The following ANXA8 variants were observed in gnomAD, a reference collection of about 807,000 sequenced individuals.
The protein encoded by ANXA8 is VAC-beta.
Under a neutral mutation model 26.8 loss-of-function variants are expected in ANXA8, and 9 were observed. That is an observed-to-expected ratio of 0.34 (90% confidence interval 0.20 to 0.59). The LOEUF (loss-of-function observed/expected upper bound fraction) is 0.59, where lower values mean the gene tolerates loss of function less well. ANXA8 is among the 20% of genes least tolerant of loss of function. The probability of loss-of-function intolerance (pLI) is 0.84; values close to 1 mark genes in which losing one functional copy is unlikely to be tolerated. For missense variants in ANXA8, 83 were observed against 238.5 expected (o/e 0.35, Z 4.29); for synonymous variants, 39 against 94.8 (o/e 0.41, Z 3.42).
At chr10:47,616,420 T>C in the ANXA8 span, among the ~76,000 whole-genome samples, 1 of 54,976 alleles carries the variant, frequency 1.8e-5, no homozygotes, top group East Asian at 3.2e-4. Flanking sequence ...GCCTCTTACA[T>C]CTTCTGTGGC....
At chr10:47,932,691 G>GCTCT in the ANXA8 span, among the ~76,000 whole-genome samples, 42,564 of 87,722 alleles carry the variant, frequency 0.49, 13,992 homozygotes, top group Non-Finnish European at 0.57. Context: ...CAAAGAGCAT[G>GCTCT]CTCTCTCTCT....
At chr10:47,696,576 T>G in the ANXA8 span, 2 of 1,331,838 alleles carry the variant, frequency 1.5e-6, no homozygotes, top group Non-Finnish European at 2.0e-6. Flanking sequence ...TAGGAAAGAT[T>G]AGAGTTAAAA....
the ANXA8 span, among the ~76,000 whole-genome samples, chr10:47,738,135 G>A: frequency 4.0e-5 from 6 of 151,080 alleles, no homozygotes; most frequent in Non-Finnish European, 8.8e-5. Flanking sequence ...GAACATTTGT[G>A]TGCAAGTCTT....
At chr10:47,973,512 C>T in the ANXA8 span, 1 of 149,364 alleles carries the variant, frequency 6.7e-6, no homozygotes, top group African/African-American at 2.4e-5. Flanking sequence ...GATCCTTCCA[C>T]TGGAGGCCTA....
At chr10:47,762,796 A>C in the ANXA8 span, 189 of 1,287,380 alleles carry the variant, frequency 1.5e-4, no homozygotes, top group South Asian at 2.1e-3. Flanking sequence ...CGCGCAGTGC[A>C]CGGCAGGGGC....
chr10:47,710,189 CTTTTGTCTGTATGCATGT>C, the ANXA8 span: 1 of 1,231,914 alleles, frequency 8.1e-7, no homozygotes, highest in Non-Finnish European at 1.1e-6. Context: ...ATGTTGCCAT[CTTTTGTCTGTATGCATGT>C]TTTTTTTCCT....
At chr10:47,654,055 G>C in the ANXA8 span, among the ~76,000 whole-genome samples, 1 of 151,894 alleles carries the variant, frequency 6.6e-6, no homozygotes, top group East Asian at 1.9e-4. Flanking sequence ...GTACAGGTTA[G>C]ATAGTGGAGT....
At chr10:47,702,263 G>A in the ANXA8 span, among the ~76,000 whole-genome samples, 1 of 151,016 alleles carries the variant, frequency 6.6e-6, no homozygotes, top group African/African-American at 2.4e-5. Flanking sequence ...AGCGAGCACA[G>A]CACAGATGCA....
chr10:47,651,704 G>C, the ANXA8 span, among the ~76,000 whole-genome samples: 1 of 151,086 alleles, frequency 6.6e-6, no homozygotes, highest in Non-Finnish European at 1.5e-5. Flanking sequence ...AGACCAGCCT[G>C]ACCAACATGG....
chr10:47,556,449 A>G, the ANXA8 span, among the ~76,000 whole-genome samples: 2 of 151,984 alleles, frequency 1.3e-5, no homozygotes, highest in African/African-American at 4.8e-5. Flanking sequence ...TTCCGTTTCC[A>G]AGAGGTATTT....
chr10:47,746,776 A>C, the ANXA8 span, among the ~76,000 whole-genome samples: 3 of 115,834 alleles, frequency 2.6e-5, no homozygotes, highest in African/African-American at 9.4e-5. Flanking sequence ...TGGCATTGAC[A>C]TGTTGTGATT....
chr10:47,727,118 G>A, the ANXA8 span, among the ~76,000 whole-genome samples: 2 of 152,308 alleles, frequency 1.3e-5, no homozygotes, highest in East Asian at 1.9e-4. Flanking sequence ...TAAGTTAGAA[G>A]GTTGACTTGC....
At chr10:47,699,098 G>T in the ANXA8 span, among the ~76,000 whole-genome samples, 1 of 151,714 alleles carries the variant, frequency 6.6e-6, no homozygotes, top group Non-Finnish European at 1.5e-5. Flanking sequence ...TGTAATCCCA[G>T]CACTTTGAGA....
the ANXA8 span, chr10:47,496,292 T>A: frequency 6.6e-6 from 1 of 152,246 alleles, no homozygotes; most frequent in Non-Finnish European, 1.5e-5. Context: ...GTTTTGTGAC[T>A]GATGGGGTAG....
the ANXA8 span, chr10:47,692,784 G>C: frequency 6.7e-6 from 1 of 148,166 alleles, no homozygotes; most frequent in African/African-American, 2.5e-5. Context: ...ACCCAGGCTG[G>C]AGCGCAGTGG....
the ANXA8 span, among the ~76,000 whole-genome samples, chr10:47,659,809 T>G: frequency 6.8e-6 from 1 of 146,820 alleles, no homozygotes; most frequent in Non-Finnish European, 1.5e-5. Context: ...GAGGCTGGGG[T>G]GCAGTGATGT....
the ANXA8 span, among the ~76,000 whole-genome samples, chr10:47,921,330 TC>T: frequency 5.4e-5 from 8 of 148,218 alleles, no homozygotes; most frequent in Admixed American, 1.3e-4. Flanking sequence ...TGATTGTGGA[TC>T]CCCGAGGCTT....
chr10:47,639,091 T>C, the ANXA8 span, among the ~76,000 whole-genome samples: 1 of 149,984 alleles, frequency 6.7e-6, no homozygotes, highest in Admixed American at 6.6e-5. Flanking sequence ...TATATTAATT[T>C]TACCCCAGCT....
the ANXA8 span, among the ~76,000 whole-genome samples, chr10:47,898,811 ATTTTTTTTTTTT>A: frequency 3.1e-3 from 176 of 56,258 alleles, no homozygotes; most frequent in East Asian, 0.019. Context: ...AAGAGAATGG[ATTTTTTTTTTTT>A]TTTTTTTTTT....
Sources: allele counts gnomAD v4.1 joint callset (sites outside exome capture counted in the v4.1 genomes callset), GRCh38; gene constraint gnomAD v4.1.1; transcripts MANE v1.5; gene names NCBI Gene and HGNC (gene_info 2026-07-23, HGNC 2026-07-21).